Variants in RASA3 observed in about 807,000 individuals in gnomAD.
RASA3 encodes ras GTPase-activating protein 3.
Under a neutral mutation model 110.0 loss-of-function variants are expected in RASA3, and 73 were observed. The observed-to-expected ratio is 0.66, with a 90% confidence interval of 0.55 to 0.81. The LOEUF (loss-of-function observed/expected upper bound fraction) is 0.81. RASA3 is among the 30% of genes least tolerant of loss of function. The pLI is 0.00. For synonymous variants in RASA3, 500 were observed against 451.4 expected, an observed-to-expected ratio of 1.11 and a Z score of -1.37; for missense variants, 976 against 1,113.2, an observed-to-expected ratio of 0.88 and a Z score of 1.75.
chr13:114,111,850 G>C (rs965251445), intron 1 of RASA3, among the ~76,000 whole-genome samples: 2 of 152,220 alleles, frequency 1.3e-5, no homozygotes, highest in South Asian at 2.1e-4. Flanking sequence ...GCTGCAATTT[G>C]AGCAAAGACG....
chr13:114,030,617 T>G (rs2139393846), intron 4 of RASA3, among the ~76,000 whole-genome samples: 1 of 152,358 alleles, frequency 6.6e-6, no homozygotes, highest in African/African-American at 2.4e-5. Context: ...GGTCCACCTG[T>G]CTCTCTAGAT....
At chr13:114,039,554 C>T (rs558679231) in intron 4 of RASA3, among the ~76,000 whole-genome samples, 1 of 152,356 alleles carries the variant, frequency 6.6e-6, no homozygotes, top group South Asian at 2.1e-4. Flanking sequence ...CTTGGGAAAC[C>T]CTCCCACGTC....
chr13:114,012,757 A>G (rs145891138), intron 15 of RASA3, among the ~76,000 whole-genome samples: 8,149 of 59,670 alleles, frequency 0.14, 631 homozygotes, highest in Middle Eastern at 0.24. Context: ...TTCCACACAC[A>G]CTCCCCATTC....
At chr13:114,078,009 C>G (rs1435435092) in intron 1 of RASA3, 3 of 615,714 alleles carry the variant, frequency 4.9e-6, no homozygotes, top group African/African-American at 2.0e-5. Flanking sequence ...AAAAAAAAAA[C>G]TCCTGAGAAA....
chr13:114,030,671 T>C (rs1471360659), intron 4 of RASA3, among the ~76,000 whole-genome samples: 1 of 151,302 alleles, frequency 6.6e-6, no homozygotes, highest in Non-Finnish European at 1.5e-5. Flanking sequence ...CCTGTCTGTC[T>C]GTGTGCACGG....
At chr13:114,127,055 G>A (rs764468565) in intron 1 of RASA3, among the ~76,000 whole-genome samples, 8 of 152,094 alleles carry the variant, frequency 5.3e-5, no homozygotes, top group Non-Finnish European at 1.0e-4. Context: ...CAGCCAATAC[G>A]TCCACCTCCT....
At chr13:114,058,288 G>A (rs1340369025) in intron 2 of RASA3, among the ~76,000 whole-genome samples, 1 of 152,106 alleles carries the variant, frequency 6.6e-6, no homozygotes, top group East Asian at 1.9e-4. Flanking sequence ...CTGCGGCGAG[G>A]CCGTCACCAC....
At chr13:114,049,322 G>C (rs1386376982) in intron 3 of RASA3, among the ~76,000 whole-genome samples, 1 of 152,070 alleles carries the variant, frequency 6.6e-6, no homozygotes, top group Non-Finnish European at 1.5e-5. Context: ...CGTTACCGGA[G>C]ATCCAGACAG....
chr13:114,038,102 A>G (rs1594366628), intron 4 of RASA3, among the ~76,000 whole-genome samples: 1 of 151,178 alleles, frequency 6.6e-6, no homozygotes, highest in Admixed American at 6.6e-5. Context: ...GGCAAGAAAG[A>G]GGAAAAGCTA....
At chr13:113,981,296 C>A (rs1440271962) in intron 23 of RASA3, among the ~76,000 whole-genome samples, 1 of 152,212 alleles carries the variant, frequency 6.6e-6, no homozygotes, top group African/African-American at 2.4e-5. Context: ...TGCTCCCGGG[C>A]ACCATGGGTG....
rs1325128165 is a variant in RASA3, at chr13:114,048,033, C to A, written c.277+4019G>T. On this transcript the variant is annotated intron_variant, in intron 3 of 23. Transcript: ENST00000334062. The surrounding 1 kb of genome is among the most constrained non-coding windows in gnomAD (Gnocchi z 4.3). Reference sequence around the variant, plus strand: ...ATTTATACACAAAGAACGGAGGTCTCGGCCGGGCGCGGTGGCTCACGCCTG... The same window carrying A: ...ATTTATACACAAAGAACGGAGGTCTAGGCCGGGCGCGGTGGCTCACGCCTG... Among the ~76,000 whole-genome samples the A allele has an allele frequency of 6.6e-6, 1 of 152,164 alleles. No homozygotes were observed. Among genetic ancestry groups the A allele is most frequent in the African/African-American group, 2.4e-5 (1 of 41,428 alleles).
At chr13:114,077,992 GAA>G (rs112524043) in intron 1 of RASA3, 495 of 901,674 alleles carry the variant, frequency 5.5e-4, no homozygotes, top group Middle Eastern at 1.7e-3. Context: ...CATTGAAACA[GAA>G]AAAAAAAAAA....
chr13:114,067,078 C>G (rs1477211470), intron 2 of RASA3, among the ~76,000 whole-genome samples: 1 of 146,594 alleles, frequency 6.8e-6, no homozygotes, highest in Non-Finnish European at 1.5e-5. Flanking sequence ...ACAGGCCCCC[C>G]AACCTGGGCT....
chr13:114,010,757 T>A (rs1380211354), intron 16 of RASA3, among the ~76,000 whole-genome samples: 4 of 38 alleles, frequency 0.11, no homozygotes, highest in African/African-American at 0.2. Context: ...GGGGGCCGCG[T>A]GGGGAGGTGG....
chr13:114,019,915 G>A (rs1346005541), intron 9 of RASA3, among the ~76,000 whole-genome samples: 1 of 45,344 alleles, frequency 2.2e-5, no homozygotes, highest in Non-Finnish European at 3.8e-5. Flanking sequence ...AGCCCTGTCA[G>A]GTGGGTGGAG....
intron 1 of RASA3, among the ~76,000 whole-genome samples, chr13:114,093,353 T>C (rs11618648): frequency 0.46 from 69,987 of 152,074 alleles, 18,377 homozygotes; most frequent in Non-Finnish European, 0.6. Flanking sequence ...TAGTTGACAA[T>C]TGTTTTCCTT....
Position 114,115,629 on chromosome 13 carries a change from G to A in RASA3, c.55+16806C>T, listed in dbSNP as rs1003584781. 5.3e-5 allele frequency among the ~76,000 whole-genome samples: 8 copies of A among 152,124 alleles called. No homozygotes were observed. The highest frequency in any genetic ancestry group is 9.7e-5 in the African/African-American group (4 of 41,422). On this transcript the variant is annotated intron_variant, in intron 1 of 23. Coordinates refer to ENST00000334062, the MANE Select transcript of RASA3 (RefSeq NM_007368.4). The surrounding 1 kb of genome is among the most constrained non-coding windows in gnomAD (Gnocchi z 5.0). ...CGTGTCCCCCTCGCTGTCGCCTGCC[G>A]ATTTGGTGGCTCCTCTCATAACACA... is the stretch of plus-strand genomic sequence containing the variant.
chr13:114,011,350 G>A lies in RASA3; in HGVS notation c.1513-102C>T. On this transcript the variant is annotated intron_variant, in intron 15 of 23. Coordinates refer to ENST00000334062, the MANE Select transcript of RASA3 (RefSeq NM_007368.4). This position sits in a 1 kb window ranked among gnomAD's most constrained non-coding sequence, Gnocchi z 4.8. ...ATGCAGGAGTCACCTCAGAGCTGCT[G>A]TGGCTTGTGCATGAGCTACGGAGAA... is the stretch of plus-strand genomic sequence containing the variant. 3 of 1,043,476 alleles carry A rather than the reference G, an allele frequency of 2.9e-6. No individual in the cohort carries two copies. Among genetic ancestry groups the A allele is most frequent in the Non-Finnish European group, 2.9e-6 (2 of 683,152 alleles). The allele number at this position is 1,043,476 out of a possible 1,614,324, so 64.6% of individuals were successfully genotyped here.
At chr13:114,008,966 G>A (rs8000815) in intron 17 of RASA3, among the ~76,000 whole-genome samples, 1,509 of 32,314 alleles carry the variant, frequency 0.047, 100 homozygotes, top group East Asian at 0.085. Context: ...CACGCACCGC[G>A]TTCCTAACTG....
Sources: gnomAD v4.1 joint callset for allele counts (sites outside exome capture counted in the v4.1 genomes callset) on GRCh38, gnomAD v4.1.1 for gene constraint, Gnocchi (gnomAD v3.1) non-coding constraint, MANE v1.5 for transcripts, NCBI Gene and HGNC (gene_info 2026-07-23, HGNC 2026-07-21) for gene names.